The following ASAP1 variants were observed in gnomAD, a reference collection of about 807,000 sequenced individuals.
The protein encoded by ASAP1 is ArfGAP with SH3 domain, ankyrin repeat and PH domain 1.
ASAP1 carries 43 observed loss-of-function variants against 145.2 expected under a neutral mutation model. That is an observed-to-expected ratio of 0.30 (90% CI 0.23 to 0.38). The LOEUF (loss-of-function observed/expected upper bound fraction) is 0.38, where lower values mean the gene tolerates loss of function less well. Ranked by LOEUF, ASAP1 falls within the 10% of genes least tolerant of loss-of-function variation. The pLI, the probability that ASAP1 is intolerant of heterozygous loss-of-function variation, is 1.00. For missense variants in ASAP1, 1,018 were observed against 1,355.3 expected, an observed-to-expected ratio of 0.75 and a Z score of 3.91; for synonymous variants, 546 against 515.5, an observed-to-expected ratio of 1.06 and a Z score of -0.80.
intron 13 of ASAP1, among the ~76,000 whole-genome samples, chr8:130,151,737 C>T (rs2097646810): frequency 6.6e-6 from 1 of 152,204 alleles, no homozygotes; most frequent in Admixed American, 6.5e-5. Context: ...TTCTGTATGT[C>T]AAGTTCTGTG....
At chr8:130,386,853 T>G (rs1828041763) in intron 2 of ASAP1, 1 of 152,198 alleles carries the variant, frequency 6.6e-6, no homozygotes. Flanking sequence ...ACTCCACACT[T>G]CAGCTTGGCA....
chr8:130,214,771 C>A, intron 4 of ASAP1, 70 bp from the exon 5 acceptor site: 1 of 1,293,064 alleles, frequency 7.7e-7, no homozygotes, highest in Non-Finnish European at 1.1e-6. Flanking sequence ...ACTTTGAACA[C>A]CGATCACTAC....
rs967996663 is a variant in ASAP1 at position 130,230,269 on chromosome 8, G to A, written c.259+6653C>T. Among the ~76,000 whole-genome samples, 4 of 149,388 alleles carry A rather than the reference G, an allele frequency of 2.7e-5. 1 individual carries two copies. The South Asian group carries it at 6.8e-4, about 26-fold the overall frequency. On this transcript the variant is annotated intron_variant, in intron 4 of 29. Transcript: ENST00000518721. ...GCACTCATTCTACAACCAGCAAAAC[G>A]GAGGAAGTGCATACACAGGCTCATA...
chr8:130,276,618 C>T (rs970556856), intron 3 of ASAP1, among the ~76,000 whole-genome samples: 4 of 150,220 alleles, frequency 2.7e-5, no homozygotes, highest in Admixed American at 6.6e-5. Context: ...ATACTTAGCC[C>T]GAATTCTGAC....
intron 3 of ASAP1, among the ~76,000 whole-genome samples, chr8:130,325,269 T>C (rs1327185091): frequency 2.6e-5 from 4 of 152,212 alleles, no homozygotes; most frequent in African/African-American, 9.7e-5. Context: ...AGAATTCCTT[T>C]CTTTCAACGT....
chr8:130,300,132 A>T (rs1822537262), intron 3 of ASAP1, among the ~76,000 whole-genome samples: 1 of 118,370 alleles, frequency 8.4e-6, no homozygotes, highest in South Asian at 3.0e-4. Flanking sequence ...ACACACACAC[A>T]CACACACACA....
intron 3 of ASAP1, among the ~76,000 whole-genome samples, chr8:130,258,983 A>T (rs1055577063): frequency 1.3e-5 from 2 of 152,174 alleles, no homozygotes; most frequent in Non-Finnish European, 2.9e-5. Flanking sequence ...TTCCAAAAAT[A>T]AATTCCAGAG....
Position 130,099,422 on chromosome 8 carries a change from C to T in ASAP1, c.2402-7279G>A, listed in dbSNP as rs568283329. On this transcript the variant is annotated intron_variant, in intron 24 of 29. Coordinates refer to ENST00000518721, the MANE Select transcript of ASAP1 (RefSeq NM_018482.4). ...GTCTCGATCTCCTGACCTCGTGATC[C>T]GCCCATCGTGGCCTCCAAAAGTGCT... 9.2e-5 allele frequency among the ~76,000 whole-genome samples: 14 copies of T among 152,112 alleles called. No homozygotes were observed. The South Asian group carries it at 2.5e-3, about 27-fold the overall frequency.
Position 130,328,012 on chromosome 8 carries a change from T to C in ASAP1, c.186+30005A>G, listed in dbSNP as rs996213449. ...AGGTGATTTAACAGGATCCCACTTT[T>C]GCAAAAGAAAAATATATATATACAC... On this transcript the variant is annotated intron_variant, in intron 3 of 29. Coordinates refer to ENST00000518721, the MANE Select transcript of ASAP1 (RefSeq NM_018482.4). Among the ~76,000 whole-genome samples the C allele has an allele frequency of 2.0e-5, 3 of 151,912 alleles. No individual in the cohort carries two copies. In the East Asian group the frequency reaches 5.8e-4, roughly 29 times the overall value.
At chr8:130,136,252 T>C (rs2097594452) in intron 14 of ASAP1, among the ~76,000 whole-genome samples, 1 of 152,058 alleles carries the variant, frequency 6.6e-6, no homozygotes, top group Non-Finnish European at 1.5e-5. Flanking sequence ...CCCCCAACTC[T>C]TTACACACTA....
At chr8:130,409,051 C>A (rs1829153494) in intron 1 of ASAP1, among the ~76,000 whole-genome samples, 1 of 152,104 alleles carries the variant, frequency 6.6e-6, no homozygotes, top group African/African-American at 2.4e-5. Context: ...TACCTGAGGT[C>A]AGGAGTTCGA....
At chr8:130,435,524 A>G (rs1464877239) in intron 1 of ASAP1, among the ~76,000 whole-genome samples, 1 of 152,160 alleles carries the variant, frequency 6.6e-6, no homozygotes, top group Non-Finnish European at 1.5e-5. Flanking sequence ...TCTCATTACT[A>G]ATGTTCTGTT....
At chr8:130,374,457 C>A (rs1827383614) in intron 2 of ASAP1, among the ~76,000 whole-genome samples, 2 of 152,162 alleles carry the variant, frequency 1.3e-5, no homozygotes. Context: ...ATTGCTTGAG[C>A]CCAAAAGTTC....
chr8:130,101,732 A>ATGGTTTTTTTTTTTT (rs2097529092), intron 24 of ASAP1, among the ~76,000 whole-genome samples: 1 of 86,968 alleles, frequency 1.1e-5, no homozygotes, highest in African/African-American at 5.5e-5. Flanking sequence ...CACCTGGTTA[A>ATGGTTTTTTTTTTTT]TTTTTTTTTT....
At chr8:130,282,174 T>G (rs966488847) in intron 3 of ASAP1, among the ~76,000 whole-genome samples, 1 of 152,176 alleles carries the variant, frequency 6.6e-6, no homozygotes, top group Admixed American at 6.5e-5. Context: ...AGAATCCAAT[T>G]TGATTTAATC....
intron 5 of ASAP1, among the ~76,000 whole-genome samples, chr8:130,212,907 A>G (rs1392581104): frequency 6.6e-6 from 1 of 152,218 alleles, no homozygotes; most frequent in Admixed American, 6.5e-5. Flanking sequence ...GTCCTTGGAA[A>G]CTAAAGCAAG....
At chr8:130,086,216 A>G (rs1364947948) in intron 25 of ASAP1, among the ~76,000 whole-genome samples, 1 of 152,248 alleles carries the variant, frequency 6.6e-6, no homozygotes, top group Non-Finnish European at 1.5e-5. Flanking sequence ...GCTGGCTCTC[A>G]GCCACACAGG....
At chr8:130,245,894 T>G (rs1355624756) in intron 3 of ASAP1, among the ~76,000 whole-genome samples, 5 of 152,170 alleles carry the variant, frequency 3.3e-5, no homozygotes, top group Admixed American at 6.5e-5. Flanking sequence ...CAACACATAT[T>G]TTTTGTTTGG....
At chr8:130,234,867 T>C (rs777336159) in intron 4 of ASAP1, among the ~76,000 whole-genome samples, 6 of 152,136 alleles carry the variant, frequency 3.9e-5, no homozygotes. Flanking sequence ...CTTTATAAAA[T>C]CAGGCTGGTC....
Sources: gnomAD v4.1 joint callset for allele counts (sites outside exome capture counted in the v4.1 genomes callset) on GRCh38, gnomAD v4.1.1 for gene constraint, MANE v1.5 for transcripts, NCBI Gene and HGNC (gene_info 2026-07-23, HGNC 2026-07-21) for gene names.